DNAI4: variants seen among roughly 807,000 people sequenced by gnomAD.
DNAI4 encodes WD repeat domain 78.
Under a neutral mutation model 105.8 loss-of-function variants are expected in DNAI4, and 85 were observed. The ratio of observed to expected loss-of-function variants is 0.80; its 90% CI spans 0.67 to 0.96. The LOEUF (loss-of-function observed/expected upper bound fraction) is 0.96, where lower values mean the gene tolerates loss of function less well. Among genes scored for constraint, DNAI4 ranks in the 40% least tolerant of loss-of-function variants. The pLI, the probability that DNAI4 is intolerant of heterozygous loss-of-function variation, is 0.00. For missense variants in DNAI4, 1,014 were observed against 1,005.6 expected (o/e 1.01, Z -0.11); for synonymous variants, 352 against 331.5 (o/e 1.06, Z -0.67).
chr1:66,870,130 T>A (rs913919180), intron 6 of DNAI4, among the ~76,000 whole-genome samples: 1 of 152,206 alleles, frequency 6.6e-6, no homozygotes, highest in Non-Finnish European at 1.5e-5. Flanking sequence ...TTTTGCTGCA[T>A]AATAAAGGCA....
At chr1:66,876,579 T>G (rs1646963648) in intron 4 of DNAI4, among the ~76,000 whole-genome samples, 1 of 152,156 alleles carries the variant, frequency 6.6e-6, no homozygotes, top group Admixed American at 6.6e-5. Flanking sequence ...ATAGGATTTT[T>G]GCCTGGAGTT....
In DNAI4 at chr1:66,868,716, T is replaced by C. The variant is rs371974586; in HGVS notation, c.940+2654A>G. Reference sequence around the variant, plus strand: ...TTTGCACATGGCAGATTATGGTACTTCTCAGCCTCCATAATTACATAAGCC... The same window carrying C: ...TTTGCACATGGCAGATTATGGTACTCCTCAGCCTCCATAATTACATAAGCC... On this transcript the variant is annotated intron_variant, in intron 6 of 16. Transcript: ENST00000371026. 1.6e-4 allele frequency among the ~76,000 whole-genome samples: 24 copies of C among 152,056 alleles called. 2 individuals carry two copies. The highest frequency in any genetic ancestry group is 9.8e-4 in the Admixed American group (15 of 15,266).
chr1:66,860,899 AAAT>A (rs1646612316), intron 7 of DNAI4: 1 of 152,282 alleles, frequency 6.6e-6, no homozygotes, highest in Admixed American at 6.5e-5. Flanking sequence ...AACGAATATT[AAAT>A]AATTTATTCT....
At position 66,924,723 on chromosome 1, in the gene DNAI4, G is replaced by A; in HGVS notation, c.109C>T (p.Gln37Ter). 6.2e-7 allele frequency: 1 copy of A among 1,614,198 alleles called. No individual in the cohort carries two copies. The highest frequency in any genetic ancestry group is 8.5e-7 in the Non-Finnish European group (1 of 1,180,030). ...GAGACTGGCATGGTGGCGACCAGCTGGGGAGTGGTGCACCACCCCTTTTTT... is the reference window on the plus strand; with the variant it reads ...GAGACTGGCATGGTGGCGACCAGCTAGGGAGTGGTGCACCACCCCTTTTTT... ...GQKKGWCTTP[Q>*]LVATMPVSPA... The change falls in exon 1 of 17, where the codon CAG (glutamine) becomes TAG (stop). Residue 37 changes from glutamine to a stop codon, truncating the protein, a stop_gained. Coordinates refer to ENST00000371026, the MANE Select transcript of DNAI4 (RefSeq NM_024763.5). LOFTEE classifies it high-confidence loss of function.
At chr1:66,860,813 A>G (rs1355397896) in intron 7 of DNAI4, 1 of 152,178 alleles carries the variant, frequency 6.6e-6, no homozygotes, top group Non-Finnish European at 1.5e-5. Context: ...TGTTCTGAGC[A>G]GTTTTTGATA....
intron 15 of DNAI4, among the ~76,000 whole-genome samples, chr1:66,823,002 C>T (rs1029254694): frequency 6.6e-6 from 1 of 152,066 alleles, no homozygotes; most frequent in Non-Finnish European, 1.5e-5. Flanking sequence ...TGGTGCGCTG[C>T]ACCCACTAAC....
At chr1:66,882,635 A>T (rs1367208541) in intron 4 of DNAI4, among the ~76,000 whole-genome samples, 2 of 151,940 alleles carry the variant, frequency 1.3e-5, no homozygotes, top group African/African-American at 4.8e-5. Flanking sequence ...TGATTATATT[A>T]GTGTGGTTCT....
chr1:66,843,704 T>G (rs1646204329), intron 8 of DNAI4, among the ~76,000 whole-genome samples: 2 of 152,286 alleles, frequency 1.3e-5, no homozygotes, highest in South Asian at 4.1e-4. Flanking sequence ...TGAGTTAATT[T>G]TTGTGACAGG....
At position 66,893,370 on chromosome 1, in the gene DNAI4, T is replaced by C. The variant is rs201039461; in HGVS notation, c.389A>G (p.Tyr130Cys). The C allele has an allele frequency of 2.5e-5, 40 of 1,596,528 alleles. No homozygotes were observed. Among genetic ancestry groups the C allele is most frequent in the Non-Finnish European group, 2.7e-5 (32 of 1,171,750 alleles). ...TGTACCAGTAAGTGGATCTGGATGG[T>C]AAAGAGGTCGGGGAGTAACATCAGT... ...NGTDVTPRPL[Y>C]HPDPLTGTAK... is the part of the protein sequence containing the mutation. The change falls in exon 3 of 17, where the codon TAC becomes TGC. Residue 130 changes from tyrosine to cysteine, a missense_variant. Tyr to Cys is a radical substitution (Grantham distance 194). Transcript: ENST00000371026.
intron 9 of DNAI4, 66 bp from the exon 10 acceptor site, chr1:66,837,862 A>C: frequency 1.4e-6 from 2 of 1,380,472 alleles, no homozygotes; most frequent in Non-Finnish European, 2.0e-6. Context: ...TAAATGTATA[A>C]AGATATATAT....
chr1:66,923,203 A>AT (rs1650663245), intron 1 of DNAI4, among the ~76,000 whole-genome samples: 1 of 152,234 alleles, frequency 6.6e-6, no homozygotes, highest in Admixed American at 6.5e-5. Context: ...TAGAAGCAAC[A>AT]AATGCATTTT....
intron 4 of DNAI4, among the ~76,000 whole-genome samples, chr1:66,884,334 C>T (rs1424843887): frequency 6.6e-6 from 1 of 152,132 alleles, no homozygotes; most frequent in African/African-American, 2.4e-5. Flanking sequence ...TGGGTAAATA[C>T]CCAGAAGTAG....
At chr1:66,892,946 AAGAG>A (rs764655639) in intron 3 of DNAI4, among the ~76,000 whole-genome samples, 1 of 91,476 alleles carries the variant, frequency 1.1e-5, no homozygotes, top group Non-Finnish European at 2.2e-5. Context: ...AAAGAGAAGA[AAGAG>A]AAGAAAGAAA....
intron 2 of DNAI4, among the ~76,000 whole-genome samples, chr1:66,904,081 A>G (rs1442558854): frequency 1.3e-5 from 2 of 151,992 alleles, no homozygotes; most frequent in African/African-American, 2.4e-5. Context: ...GTATATACAC[A>G]CATAAATAAG....
intron 7 of DNAI4, chr1:66,848,088 T>G (rs1011442732): frequency 1.3e-5 from 5 of 393,730 alleles, no homozygotes; most frequent in Non-Finnish European, 2.5e-5. Context: ...TGCAAATTTA[T>G]CTTACAGTTC....
intron 1 of DNAI4, among the ~76,000 whole-genome samples, chr1:66,912,662 T>C (rs150764326): frequency 2.7e-4 from 41 of 152,234 alleles, no homozygotes; most frequent in Middle Eastern, 3.4e-3. Context: ...CTTCGGCACA[T>C]GTTTCCAGGA....
chr1:66,837,927 C>A lies in DNAI4; in HGVS notation c.1495-131G>T, dbSNP rs546066497. ...ACATTTCATCTGAGAGGAAAAAATG[C>A]CAGTACACCATCTGTTTTTACTCTA... On this transcript the variant is annotated intron_variant, in intron 9 of 16. Transcript: ENST00000371026. 13 of 843,486 alleles carry A rather than the reference C, an allele frequency of 1.5e-5. No individual in the cohort carries two copies. The East Asian group carries it at 3.4e-4, about 22-fold the overall frequency. 52.3% of individuals were successfully genotyped at this position (843,486 alleles called of 1,614,324 possible).
intron 8 of DNAI4, among the ~76,000 whole-genome samples, chr1:66,846,734 G>A (rs1032446157): frequency 3.9e-5 from 6 of 152,186 alleles, no homozygotes; most frequent in Admixed American, 3.9e-4. Context: ...AAAGTAGAAA[G>A]AGAACTGGAA....
At chr1:66,857,308 G>A (rs905565764) in intron 7 of DNAI4, among the ~76,000 whole-genome samples, 2 of 136,674 alleles carry the variant, frequency 1.5e-5, no homozygotes, top group Admixed American at 7.9e-5. Context: ...GACACAGGAA[G>A]GGGAACATCA....
Sources: allele counts gnomAD v4.1 joint callset (sites outside exome capture counted in the v4.1 genomes callset), GRCh38; gene constraint gnomAD v4.1.1; transcripts MANE v1.5; gene names NCBI Gene and HGNC (gene_info 2026-07-23, HGNC 2026-07-21).